LCORL: variants seen among roughly 807,000 people sequenced by gnomAD.
LCORL encodes ligand-dependent nuclear receptor corepressor-like protein.
A neutral mutation model predicts 141.8 loss-of-function variants in LCORL; 41 were observed. The observed-to-expected ratio is 0.29, with a 90% CI of 0.23 to 0.38. The LOEUF (loss-of-function observed/expected upper bound fraction) is 0.38, where lower values mean the gene tolerates loss of function less well. LCORL is among the 10% of genes least tolerant of loss of function. LCORL has a pLI of 1.00. For synonymous variants in LCORL, 618 were observed against 694.1 expected (o/e 0.89, Z 1.72); for missense variants, 1,759 against 2,035.0 (o/e 0.86, Z 2.61).
At chr4:18,001,514 G>T (rs1354015049) in intron 1 of LCORL, among the ~76,000 whole-genome samples, 2 of 152,132 alleles carry the variant, frequency 1.3e-5, no homozygotes, top group Middle Eastern at 3.4e-3. Flanking sequence ...GGGGTAACAT[G>T]AACACATTTG....
At chr4:18,009,057 G>A (rs1342624305) in intron 1 of LCORL, among the ~76,000 whole-genome samples, 3 of 151,932 alleles carry the variant, frequency 2.0e-5, no homozygotes, top group South Asian at 2.1e-4. Flanking sequence ...CACTGCTACC[G>A]TACTGCCACT....
At chr4:17,961,836 T>G (rs1713853871) in intron 4 of LCORL, 67 bp downstream of exon 4, 5 of 1,420,444 alleles carry the variant, frequency 3.5e-6, no homozygotes, top group Admixed American at 4.2e-5. Flanking sequence ...AAAACTTTTG[T>G]GTAAAAAAAT....
At chr4:17,898,252 T>C (rs1730296065) in intron 5 of LCORL, among the ~76,000 whole-genome samples, 1 of 152,170 alleles carries the variant, frequency 6.6e-6, no homozygotes, top group South Asian at 2.1e-4. Flanking sequence ...TAAGAATGTA[T>C]AGTCAAAATG....
chr4:17,895,618 G>A (rs1172169952), intron 5 of LCORL, among the ~76,000 whole-genome samples: 1 of 152,072 alleles, frequency 6.6e-6, no homozygotes, highest in African/African-American at 2.4e-5. Flanking sequence ...AGTTTTCTCT[G>A]TATTCAGAGT....
intron 1 of LCORL, among the ~76,000 whole-genome samples, chr4:17,989,662 A>T (rs942392522): frequency 6.6e-6 from 1 of 152,258 alleles, no homozygotes; most frequent in Non-Finnish European, 1.5e-5. Flanking sequence ...TAAAAATACT[A>T]TAAAATGTCT....
At chr4:17,858,131 A>T (rs1176286265) in intron 7 of LCORL, among the ~76,000 whole-genome samples, 4 of 152,262 alleles carry the variant, frequency 2.6e-5, no homozygotes, top group Non-Finnish European at 5.9e-5. Context: ...AAGTTGAAGA[A>T]AGCATGAGCA....
intron 5 of LCORL, among the ~76,000 whole-genome samples, chr4:17,887,490 T>A (rs778185091): frequency 1.1e-4 from 16 of 152,180 alleles, no homozygotes; most frequent in Non-Finnish European, 2.1e-4. Context: ...ATCAGATACA[T>A]GGGAGAACGT....
At position 18,021,626 on chromosome 4, in the gene LCORL, A is replaced by C; in HGVS notation, c.126T>G (p.Ser42=). The change falls in exon 1 of 8, where the codon TCT becomes TCG. Residue 42 remains serine, a synonymous_variant. Transcript: ENST00000635767. The surrounding 1 kb of genome is among the most constrained non-coding windows in gnomAD (Gnocchi z 5.5). ...CACAGTGCATGAGGCGGTGGCGCCA[A>C]GAGTCGAGTTCCCGCCGGAATCCTC... The C allele has an allele frequency of 6.5e-7, 1 of 1,545,790 alleles. No individual in the cohort carries two copies. The highest frequency in any genetic ancestry group is 8.7e-7 in the Non-Finnish European group (1 of 1,145,054).
At chr4:17,889,993 A>G (rs1346086536) in intron 5 of LCORL, among the ~76,000 whole-genome samples, 2 of 152,082 alleles carry the variant, frequency 1.3e-5, no homozygotes, top group East Asian at 3.8e-4. Flanking sequence ...AAACTAAGTA[A>G]GGTGGAGGGG....
At chr4:17,900,737 T>C (rs1311698093) in intron 5 of LCORL, among the ~76,000 whole-genome samples, 5 of 152,096 alleles carry the variant, frequency 3.3e-5, no homozygotes, top group African/African-American at 9.7e-5. Context: ...ATCATGATAT[T>C]ACACAGAAAC....
rs959922858 is a variant in LCORL, at chr4:18,021,162, G to A, written c.154+436C>T. On this transcript the variant is annotated intron_variant, in intron 1 of 7. Coordinates refer to ENST00000635767, the Ensembl canonical transcript of LCORL. This position sits in a 1 kb window ranked among gnomAD's most constrained non-coding sequence, Gnocchi z 5.5. ...ACAAGGGGGTGTGTGTGCGCTCGGC[G>A]GGGGCGCGGACCAGCCCGCCTTCCT... Among the ~76,000 whole-genome samples the A allele has an allele frequency of 3.3e-5, 5 of 151,964 alleles. No homozygotes were observed. The highest frequency in any genetic ancestry group is 1.2e-4 in the African/African-American group (5 of 41,420).
chr4:18,012,201 T>C (rs1035841979), intron 1 of LCORL, among the ~76,000 whole-genome samples: 17 of 152,198 alleles, frequency 1.1e-4, no homozygotes, highest in Non-Finnish European at 1.5e-5. Flanking sequence ...TGGTCCCTAG[T>C]GGGATGGATT....
At chr4:17,883,564 G>A in intron 6 of LCORL, 1 of 1,337,336 alleles carries the variant, frequency 7.5e-7, no homozygotes, top group Non-Finnish European at 9.5e-7. Flanking sequence ...GCATGTAAGT[G>A]GTTTTTGAAC....
intron 4 of LCORL, among the ~76,000 whole-genome samples, chr4:17,944,201 T>C (rs1304708539): frequency 6.6e-6 from 1 of 152,196 alleles, no homozygotes; most frequent in Non-Finnish European, 1.5e-5. Context: ...ACATAGTCTT[T>C]TTAAGTAGGC....
At chr4:17,853,757 TG>T (rs1214649039) in intron 7 of LCORL, among the ~76,000 whole-genome samples, 4 of 152,162 alleles carry the variant, frequency 2.6e-5, no homozygotes, top group South Asian at 2.1e-4. Flanking sequence ...TCCTGCAAAT[TG>T]ATGTCTCCAC....
At chr4:17,946,435 A>G (rs775782896) in intron 4 of LCORL, among the ~76,000 whole-genome samples, 6 of 152,052 alleles carry the variant, frequency 3.9e-5, no homozygotes, top group Non-Finnish European at 7.4e-5. Flanking sequence ...CCTAAAATAT[A>G]TAATTTAGTA....
intron 4 of LCORL, among the ~76,000 whole-genome samples, chr4:17,949,746 T>TA (rs956973718): frequency 8.5e-5 from 13 of 152,132 alleles, no homozygotes; most frequent in African/African-American, 3.1e-4. Context: ...AATCACACTG[T>TA]ATTTATAGTG....
At chr4:17,887,820 A>T (rs779632855) in intron 5 of LCORL, among the ~76,000 whole-genome samples, 4 of 152,110 alleles carry the variant, frequency 2.6e-5, no homozygotes, top group Non-Finnish European at 5.9e-5. Context: ...ACCTGCTGGG[A>T]AAGTGCTATG....
chr4:17,945,883 T>C (rs960700132), intron 4 of LCORL, among the ~76,000 whole-genome samples: 1 of 152,034 alleles, frequency 6.6e-6, no homozygotes, highest in African/African-American at 2.4e-5. Flanking sequence ...CTGCTGTTTT[T>C]ATGACAGACA....
Sources: allele counts gnomAD v4.1 joint callset (sites outside exome capture counted in the v4.1 genomes callset), GRCh38; gene constraint gnomAD v4.1.1; non-coding constraint Gnocchi (gnomAD v3.1); transcripts MANE v1.5; gene names NCBI Gene and HGNC (gene_info 2026-07-23, HGNC 2026-07-21).